TBC1D22A: variants seen among roughly 807,000 people sequenced by gnomAD.
The protein encoded by TBC1D22A is TBC1 domain family member 22A, also known as putative GTPase activator.
TBC1D22A carries 38 observed loss-of-function variants against 60.2 expected under a neutral mutation model. The ratio of observed to expected loss-of-function variants is 0.63; its 90% CI spans 0.49 to 0.83. The LOEUF is 0.83. TBC1D22A is among the 40% of genes least tolerant of loss of function. The pLI, the probability that TBC1D22A is intolerant of heterozygous loss-of-function variation, is 0.00. For missense variants in TBC1D22A, 628 were observed against 701.0 expected, an observed-to-expected ratio of 0.90 and a Z score of 1.18; for synonymous variants, 302 against 281.7, an observed-to-expected ratio of 1.07 and a Z score of -0.72.
chr22:47,113,207 C>T (rs773398893), intron 12 of TBC1D22A, among the ~76,000 whole-genome samples: 4 of 152,216 alleles, frequency 2.6e-5, no homozygotes, highest in Non-Finnish European at 5.9e-5. Context: ...CCGGCCAGCA[C>T]ACACAACTGT....
At chr22:46,822,840 C>G (rs78373806) in intron 4 of TBC1D22A, among the ~76,000 whole-genome samples, 45 of 152,196 alleles carry the variant, frequency 3.0e-4, no homozygotes, top group African/African-American at 1.1e-3. Context: ...GCTGAGGTCA[C>G]CAAATGAAGG....
At chr22:46,803,895 C>T (rs1431734753) in intron 4 of TBC1D22A, among the ~76,000 whole-genome samples, 1 of 152,222 alleles carries the variant, frequency 6.6e-6, no homozygotes, top group Non-Finnish European at 1.5e-5. Flanking sequence ...GCTCTGTCCT[C>T]AAGTCCCCTG....
intron 11 of TBC1D22A, among the ~76,000 whole-genome samples, chr22:47,041,095 T>C (rs543048935): frequency 1.4e-4 from 21 of 152,232 alleles, no homozygotes; most frequent in Non-Finnish European, 2.8e-4. Context: ...GATGCTTTTT[T>C]TCTAAGGAAA....
chr22:47,027,746 C>T (rs1290684468), intron 10 of TBC1D22A, among the ~76,000 whole-genome samples: 1 of 152,180 alleles, frequency 6.6e-6, no homozygotes, highest in African/African-American at 2.4e-5. Context: ...ATAAATCGGA[C>T]CTTACCAAAA....
chr22:47,096,079 C>T (rs2065160628), intron 11 of TBC1D22A, among the ~76,000 whole-genome samples: 1 of 152,284 alleles, frequency 6.6e-6, no homozygotes, highest in Admixed American at 6.5e-5. Context: ...AGATAATAGT[C>T]TAATGAATGC....
chr22:46,823,931 C>T (rs934824901), intron 4 of TBC1D22A, among the ~76,000 whole-genome samples: 2 of 152,174 alleles, frequency 1.3e-5, no homozygotes, highest in Admixed American at 6.5e-5. Flanking sequence ...TGATGCAGGA[C>T]CATGGTCTGG....
chr22:47,170,114 T>C (rs968391502), intron 12 of TBC1D22A, among the ~76,000 whole-genome samples: 3 of 152,202 alleles, frequency 2.0e-5, no homozygotes, highest in Non-Finnish European at 4.4e-5. Flanking sequence ...AATCTGTATT[T>C]AAGGATGTGT....
At chr22:46,854,372 C>G (rs1316677069) in intron 4 of TBC1D22A, among the ~76,000 whole-genome samples, 1 of 152,142 alleles carries the variant, frequency 6.6e-6, no homozygotes, top group Non-Finnish European at 1.5e-5. Context: ...CATCCCTTCT[C>G]TCCCTCCCCT....
chr22:47,036,428 A>G (rs2148394814), intron 10 of TBC1D22A, among the ~76,000 whole-genome samples: 1 of 152,250 alleles, frequency 6.6e-6, no homozygotes, highest in Non-Finnish European at 1.5e-5. Flanking sequence ...CGCCCACCAC[A>G]GCTTGATGAG....
intron 11 of TBC1D22A, among the ~76,000 whole-genome samples, chr22:47,042,949 C>A (rs1480291936): frequency 6.6e-6 from 1 of 152,212 alleles, no homozygotes; most frequent in Admixed American, 6.5e-5. Flanking sequence ...TGCAGATGTC[C>A]CTGATATCTC....
intron 1 of TBC1D22A, among the ~76,000 whole-genome samples, chr22:46,786,240 A>G (rs2084154973): frequency 6.6e-6 from 1 of 152,180 alleles, no homozygotes; most frequent in Non-Finnish European, 1.5e-5. Flanking sequence ...GAATTTTATC[A>G]TATGCTTTTT....
chr22:46,980,571 A>G (rs1425320603), intron 9 of TBC1D22A, among the ~76,000 whole-genome samples: 1 of 152,266 alleles, frequency 6.6e-6, no homozygotes. Flanking sequence ...GACAAAAGAG[A>G]AGAGAGAGTT....
At chr22:47,060,839 A>G (rs131926) in intron 11 of TBC1D22A, among the ~76,000 whole-genome samples, 57,382 of 151,986 alleles carry the variant, frequency 0.38, 11,449 homozygotes, top group East Asian at 0.57. Context: ...CATGTGTCTG[A>G]GGTTGCTTCC....
chr22:47,099,568 C>T (rs2065327689), intron 11 of TBC1D22A, among the ~76,000 whole-genome samples: 1 of 152,042 alleles, frequency 6.6e-6, no homozygotes, highest in Admixed American at 6.5e-5. Flanking sequence ...GCCTCAGCCT[C>T]CCGAGTAGCT....
chr22:46,974,206 C>A, intron 8 of TBC1D22A, 84 bp from the exon 9 acceptor site: 1 of 1,153,360 alleles, frequency 8.7e-7, no homozygotes, highest in African/African-American at 1.5e-5. Flanking sequence ...GCAGGCTCAG[C>A]TCTGTTCCTC....
intron 11 of TBC1D22A, among the ~76,000 whole-genome samples, chr22:47,084,063 G>A (rs2064581204): frequency 6.6e-6 from 1 of 152,210 alleles, no homozygotes; most frequent in South Asian, 2.1e-4. Context: ...GCTTCACCGG[G>A]GAGAGTTGAT....
chr22:46,802,777 T>A (rs1424648563), intron 4 of TBC1D22A, among the ~76,000 whole-genome samples: 1 of 122,158 alleles, frequency 8.2e-6, no homozygotes. Context: ...GGGCAGCTCA[T>A]GGGAGGGGCT....
intron 4 of TBC1D22A, among the ~76,000 whole-genome samples, chr22:46,821,179 T>C (rs2085814232): frequency 3.3e-5 from 5 of 151,970 alleles, no homozygotes. Flanking sequence ...GAGTCTTTAC[T>C]CCTTATCCAG....
intron 4 of TBC1D22A, among the ~76,000 whole-genome samples, chr22:46,805,228 G>A (rs1021691539): frequency 6.6e-6 from 1 of 152,170 alleles, no homozygotes; most frequent in Non-Finnish European, 1.5e-5. Context: ...AGAGTTAATT[G>A]AGCCACCAGC....
Sources: allele counts gnomAD v4.1 joint callset (sites outside exome capture counted in the v4.1 genomes callset), GRCh38; gene constraint gnomAD v4.1.1; transcripts MANE v1.5; gene names NCBI Gene and HGNC (gene_info 2026-07-23, HGNC 2026-07-21).